PPFIBP2: variants seen among roughly 807,000 people sequenced by gnomAD.
The protein encoded by PPFIBP2 is PPFIB scaffold protein 2.
PPFIBP2 carries 118 observed loss-of-function variants against 118.3 expected under a neutral mutation model. That is an observed-to-expected ratio of 1.00 (90% CI 0.86 to 1.16). The LOEUF (loss-of-function observed/expected upper bound fraction) is 1.16, where lower values mean the gene tolerates loss of function less well. PPFIBP2 is among the 50% of genes most tolerant of loss of function. The probability of loss-of-function intolerance (pLI) is 0.00; values close to 1 mark genes in which losing one functional copy is unlikely to be tolerated. For missense variants in PPFIBP2, 1,195 were observed against 1,073.1 expected (o/e 1.11, Z -1.59); for synonymous variants, 414 against 397.4 (o/e 1.04, Z -0.50).
At position 7,639,661 on chromosome 11, in the gene PPFIBP2, G is replaced by T. The variant is rs922891111; in HGVS notation, c.1237-71G>T. ...CTCTTGCAAAACAGGGAGTTGTTCT[G>T]TATCCAAGGATTTCCTAACTGAGGC... On this transcript the variant is annotated intron_variant, in intron 14 of 23. Coordinates refer to ENST00000299492, the MANE Select transcript of PPFIBP2 (RefSeq NM_003621.5). 16 of 1,598,700 alleles carry T rather than the reference G, an allele frequency of 1.0e-5. No homozygotes were observed. In the African/African-American group the frequency reaches 1.6e-4, roughly 16 times the overall value.
chr11:7,530,844 G>A (rs978303505), intron 1 of PPFIBP2, among the ~76,000 whole-genome samples: 8 of 152,166 alleles, frequency 5.3e-5, no homozygotes, highest in Admixed American at 1.3e-4. Context: ...GGGACCCAGC[G>A]TCTATACTAC....
intron 1 of PPFIBP2, among the ~76,000 whole-genome samples, chr11:7,517,934 G>A (rs1037682361): frequency 1.3e-5 from 2 of 152,204 alleles, no homozygotes; most frequent in Admixed American, 6.5e-5. Context: ...GGGGTCCTCC[G>A]CAGAGGGGGC....
intron 1 of PPFIBP2, among the ~76,000 whole-genome samples, chr11:7,541,470 G>A (rs527981749): frequency 1.3e-5 from 2 of 152,254 alleles, no homozygotes; most frequent in African/African-American, 2.4e-5. Flanking sequence ...ACCTGACTGC[G>A]CCCTCTATCC....
chr11:7,625,680 C>T, intron 7 of PPFIBP2, 97 bp from the exon 8 acceptor site: 2 of 926,836 alleles, frequency 2.2e-6, no homozygotes, highest in Non-Finnish European at 3.5e-6. Flanking sequence ...TCCTGATGCA[C>T]CCTGGTGCCT....
chr11:7,609,547 T>C (rs1464877120), intron 5 of PPFIBP2, among the ~76,000 whole-genome samples: 2 of 152,248 alleles, frequency 1.3e-5, no homozygotes, highest in Non-Finnish European at 2.9e-5. Flanking sequence ...ACCTTGTTTA[T>C]GCTTATGAAG....
intron 2 of PPFIBP2, among the ~76,000 whole-genome samples, chr11:7,561,168 A>G (rs1854259048): frequency 6.6e-6 from 1 of 152,192 alleles, no homozygotes; most frequent in Non-Finnish European, 1.5e-5. Flanking sequence ...CCCAGGTTCA[A>G]GCGATTTTTC....
chr11:7,548,829 T>C (rs1024858364), intron 1 of PPFIBP2, among the ~76,000 whole-genome samples: 6 of 152,154 alleles, frequency 3.9e-5, no homozygotes, highest in Non-Finnish European at 8.8e-5. Flanking sequence ...TGGTCAGTTA[T>C]GGTGCTCCTG....
chr11:7,637,524 T>G (rs899700818), intron 14 of PPFIBP2, among the ~76,000 whole-genome samples: 17 of 152,218 alleles, frequency 1.1e-4, no homozygotes, highest in Admixed American at 5.9e-4. Context: ...TTGGTCTGAC[T>G]CAAAGCCTAG....
chr11:7,518,085 CT>C (rs1395386386), intron 1 of PPFIBP2, among the ~76,000 whole-genome samples: 2 of 152,260 alleles, frequency 1.3e-5, no homozygotes, highest in Non-Finnish European at 2.9e-5. Context: ...TGCAGGGCCC[CT>C]GATGGCGGAG....
intron 5 of PPFIBP2, chr11:7,598,017 C>T (rs1009555338): frequency 4.7e-6 from 1 of 212,430 alleles, no homozygotes; most frequent in Non-Finnish European, 9.5e-6. Flanking sequence ...TTTAGAAAGT[C>T]AATTCTCAGC....
chr11:7,559,774 C>G (rs1254933143), intron 2 of PPFIBP2, among the ~76,000 whole-genome samples: 2 of 152,086 alleles, frequency 1.3e-5, no homozygotes, highest in Non-Finnish European at 2.9e-5. Context: ...GCATTAAAAC[C>G]TCAAGCCCCA....
intron 2 of PPFIBP2, among the ~76,000 whole-genome samples, chr11:7,559,977 G>A (rs1037958221): frequency 4.6e-5 from 7 of 152,120 alleles, no homozygotes; most frequent in Non-Finnish European, 1.0e-4. Context: ...TTTGTTCATT[G>A]TGGGTAAGGG....
chr11:7,546,870 T>G (rs369085318), intron 1 of PPFIBP2, among the ~76,000 whole-genome samples: 2 of 151,966 alleles, frequency 1.3e-5, no homozygotes, highest in African/African-American at 4.8e-5. Flanking sequence ...TACCTTGCAC[T>G]GTGTCATAAT....
chr11:7,540,763 A>G (rs915858916), intron 1 of PPFIBP2, among the ~76,000 whole-genome samples: 2 of 152,218 alleles, frequency 1.3e-5, no homozygotes, highest in East Asian at 1.9e-4. Flanking sequence ...CCTTTCCTTC[A>G]GGATGAAAAA....
At chr11:7,600,663 G>A (rs1239906578) in intron 5 of PPFIBP2, among the ~76,000 whole-genome samples, 2 of 152,172 alleles carry the variant, frequency 1.3e-5, no homozygotes, top group Non-Finnish European at 2.9e-5. Context: ...CTCAGTGTGC[G>A]CCCTTCTAAC....
At chr11:7,648,288 T>G (rs1853418577) in intron 17 of PPFIBP2, 99 bp from the exon 18 acceptor site, 1 of 1,385,994 alleles carries the variant, frequency 7.2e-7, no homozygotes, top group African/African-American at 1.5e-5. Flanking sequence ...GTTTTTTGTT[T>G]TGTTTTTTCT....
chr11:7,628,407 C>T, intron 9 of PPFIBP2, 61 bp downstream of exon 9: 1 of 1,470,114 alleles, frequency 6.8e-7, no homozygotes, highest in South Asian at 1.2e-5. Context: ...TGTGTTTGGT[C>T]CCTGCTGGTC....
intron 1 of PPFIBP2, among the ~76,000 whole-genome samples, chr11:7,531,080 G>A (rs1434401896): frequency 6.6e-6 from 1 of 152,104 alleles, no homozygotes; most frequent in Non-Finnish European, 1.5e-5. Flanking sequence ...GGGCCTGCAG[G>A]GAAGGGGCTA....
chr11:7,556,614 A>G (rs1243972401), intron 2 of PPFIBP2, among the ~76,000 whole-genome samples: 1 of 152,194 alleles, frequency 6.6e-6, no homozygotes, highest in Non-Finnish European at 1.5e-5. Context: ...CTCTCCAGTC[A>G]TAGTTGATTC....
Sources: gnomAD v4.1 joint callset for allele counts (sites outside exome capture counted in the v4.1 genomes callset) on GRCh38, gnomAD v4.1.1 for gene constraint, MANE v1.5 for transcripts, NCBI Gene and HGNC (gene_info 2026-07-23, HGNC 2026-07-21) for gene names.